PIEZO2: variants seen among roughly 807,000 people sequenced by gnomAD.
PIEZO2 encodes piezo-type mechanosensitive ion channel component 2.
Under a neutral mutation model 337.3 loss-of-function variants are expected in PIEZO2, and 172 were observed. The ratio of observed to expected loss-of-function variants is 0.51; its 90% CI spans 0.45 to 0.58. The LOEUF is 0.58. Ranked by LOEUF, PIEZO2 falls within the 20% of genes least tolerant of loss-of-function variation. PIEZO2 has a pLI of 0.00. For missense variants in PIEZO2, 3,028 were observed against 3,391.3 expected, an observed-to-expected ratio of 0.89 and a Z score of 2.66; for synonymous variants, 1,251 against 1,228.5, an observed-to-expected ratio of 1.02 and a Z score of -0.38.
Position 10,856,974 on chromosome 18 carries a change from C to T in PIEZO2, c.703+27G>A, listed in dbSNP as rs763259369. The T allele has an allele frequency of 4.5e-5, 69 of 1,531,460 alleles. No homozygotes were observed. Among genetic ancestry groups the T allele is most frequent in the South Asian group, 3.1e-4 (26 of 83,920 alleles). The allele number at this position is 1,531,460 out of a possible 1,614,324, so 94.9% of individuals were successfully genotyped here. On this transcript the variant is annotated intron_variant, in intron 6 of 55. Transcript: ENST00000674853. This position sits in a 1 kb window ranked among gnomAD's most constrained non-coding sequence, Gnocchi z 4.7. Reference sequence around the variant, plus strand: ...AAAGCACTGCTTGTGCCTTTTGCTACGTGCAGCCAGTGTGGGAGACACTCA... The same window carrying T: ...AAAGCACTGCTTGTGCCTTTTGCTATGTGCAGCCAGTGTGGGAGACACTCA...
At chr18:11,067,944 C>T (rs762169262) in intron 1 of PIEZO2, among the ~76,000 whole-genome samples, 44 of 152,158 alleles carry the variant, frequency 2.9e-4, no homozygotes, top group Non-Finnish European at 5.3e-4. Context: ...TGTTTTGAGA[C>T]GGAGTCTTGC....
In PIEZO2 at chr18:11,111,782, G is replaced by C. The variant is rs985317654; in HGVS notation, c.64+36743C>G. On this transcript the variant is annotated intron_variant, in intron 1 of 55. Coordinates refer to ENST00000674853, the MANE Select transcript of PIEZO2 (RefSeq NM_001378183.1). The surrounding 1 kb of genome is among the most constrained non-coding windows in gnomAD (Gnocchi z 6.2). ...CGAAAGCGTGCACAGTAGAAACCTG[G>C]CTCCTTCCAGGAGGCTCCTTGTAGG... is the stretch of plus-strand genomic sequence containing the variant. Among the ~76,000 whole-genome samples, 2 of 152,204 alleles carry C rather than the reference G, an allele frequency of 1.3e-5. No individual in the cohort carries two copies. Among genetic ancestry groups the C allele is most frequent in the African/African-American group, 4.8e-5 (2 of 41,444 alleles).
At chr18:10,756,394 G>A (rs918041440) in intron 27 of PIEZO2, among the ~76,000 whole-genome samples, 40 of 150,530 alleles carry the variant, frequency 2.7e-4, no homozygotes, top group African/African-American at 9.1e-4. Context: ...GATGAAAGAT[G>A]AGGAGGACGG....
At position 11,009,975 on chromosome 18, in the gene PIEZO2, G is replaced by A. The variant is rs942818924; in HGVS notation, c.161-30315C>T. On this transcript the variant is annotated intron_variant, in intron 2 of 55. Coordinates refer to ENST00000674853, the MANE Select transcript of PIEZO2 (RefSeq NM_001378183.1). The surrounding 1 kb of genome is among the most constrained non-coding windows in gnomAD (Gnocchi z 4.6). ...CCTCCAGAATGGTGAGATAATAAACGTCTGCTGTTGAAGCCACTCAGTTGA... is the reference window on the plus strand; with the variant it reads ...CCTCCAGAATGGTGAGATAATAAACATCTGCTGTTGAAGCCACTCAGTTGA... Among the ~76,000 whole-genome samples the A allele has an allele frequency of 3.3e-5, 5 of 152,138 alleles. No homozygotes were observed. Among genetic ancestry groups the A allele is most frequent in the East Asian group, 1.9e-4 (1 of 5,196 alleles).
At chr18:10,881,712 G>A (rs1598623500) in intron 4 of PIEZO2, among the ~76,000 whole-genome samples, 1 of 152,056 alleles carries the variant, frequency 6.6e-6, no homozygotes, top group African/African-American at 2.4e-5. Flanking sequence ...GCTATTGAAC[G>A]ACTACAACAA....
At chr18:10,809,518 T>G (rs1164059384) in intron 7 of PIEZO2, among the ~76,000 whole-genome samples, 1 of 151,762 alleles carries the variant, frequency 6.6e-6, no homozygotes, top group African/African-American at 2.4e-5. Context: ...TCCGCCCACC[T>G]TGGCCTCCCA....
In PIEZO2 at chr18:10,950,224, T is replaced by C. The variant is rs145955544; in HGVS notation, c.286+29311A>G. Among the ~76,000 whole-genome samples, 1,042 of 152,330 alleles carry C rather than the reference T, an allele frequency of 6.8e-3. 23 individuals carry two copies. Among genetic ancestry groups the C allele is most frequent in the African/African-American group, 0.024 (981 of 41,576 alleles). ...CACTTTTTTCATTTGCAAATTAGTA[T>C]GCTCTATGTAACGAGACGGGGGAAA... On this transcript the variant is annotated intron_variant, in intron 3 of 55. Coordinates refer to ENST00000674853, the MANE Select transcript of PIEZO2 (RefSeq NM_001378183.1).
chr18:11,035,848 C>T lies in PIEZO2; in HGVS notation c.160+30279G>A, dbSNP rs796583401. Among the ~76,000 whole-genome samples, 3 of 152,330 alleles carry T rather than the reference C, an allele frequency of 2.0e-5. No homozygotes were observed. Among genetic ancestry groups the T allele is most frequent in the African/African-American group, 7.2e-5 (3 of 41,566 alleles). ...CTCTTAAAGCCCATGGGTGTCTCCC[C>T]TAATGAACAGCAAATAATATCTGTA... On this transcript the variant is annotated intron_variant, in intron 2 of 55. Transcript: ENST00000674853. The surrounding 1 kb of genome is among the most constrained non-coding windows in gnomAD (Gnocchi z 4.3).
intron 39 of PIEZO2, chr18:10,709,058 A>T (rs1213023546): frequency 6.6e-6 from 1 of 152,240 alleles, no homozygotes; most frequent in African/African-American, 2.4e-5. Flanking sequence ...TGCAGTGGAT[A>T]TAAACCAACA....
chr18:11,126,732 A>G lies in PIEZO2; in HGVS notation c.64+21793T>C, dbSNP rs1483424160. On this transcript the variant is annotated intron_variant, in intron 1 of 55. Coordinates refer to ENST00000674853, the MANE Select transcript of PIEZO2 (RefSeq NM_001378183.1). The surrounding 1 kb of genome is among the most constrained non-coding windows in gnomAD (Gnocchi z 4.6). ...GATCAACATCACAATAATAATTTAC[A>G]TTTATTAGATGCTTACTATATGCCA... Among the ~76,000 whole-genome samples, 1 of 152,112 alleles carries G rather than the reference A, an allele frequency of 6.6e-6. No homozygotes were observed. The highest frequency in any genetic ancestry group is 1.5e-5 in the Non-Finnish European group (1 of 68,024).
chr18:10,744,072 T>C (rs2037328946), intron 31 of PIEZO2, 70 bp downstream of exon 31: 3 of 1,112,056 alleles, frequency 2.7e-6, no homozygotes, highest in African/African-American at 3.1e-5. Flanking sequence ...TCCCCAACAG[T>C]GGAGCACCAG....
intron 1 of PIEZO2, among the ~76,000 whole-genome samples, chr18:11,124,243 G>A (rs2040117010): frequency 6.6e-6 from 1 of 152,168 alleles, no homozygotes; most frequent in African/African-American, 2.4e-5. Flanking sequence ...TTGCATGGGA[G>A]ACTCAGCCAC....
chr18:11,142,636 C>T (rs1379380527), intron 1 of PIEZO2, among the ~76,000 whole-genome samples: 2 of 151,992 alleles, frequency 1.3e-5, no homozygotes, highest in Admixed American at 6.6e-5. Flanking sequence ...AAAAAATTAG[C>T]GGACTGGGGT....
rs1252051574 is a variant in PIEZO2, at chr18:11,021,571, G to A, written c.161-41911C>T. Among the ~76,000 whole-genome samples, 1 of 152,112 alleles carries A rather than the reference G, an allele frequency of 6.6e-6. No homozygotes were observed. Among genetic ancestry groups the A allele is most frequent in the Non-Finnish European group, 1.5e-5 (1 of 68,032 alleles). ...AGTCTCCTTGTGAATTCGTGAGGAG[G>A]AACACAGTCACCATCGTGAATGAAA... On this transcript the variant is annotated intron_variant, in intron 2 of 55. Coordinates refer to ENST00000674853, the MANE Select transcript of PIEZO2 (RefSeq NM_001378183.1). This position sits in a 1 kb window ranked among gnomAD's most constrained non-coding sequence, Gnocchi z 4.7.
chr18:10,680,343 T>C lies in PIEZO2; in HGVS notation c.7808A>G (p.Glu2603Gly), dbSNP rs1364871061. The C allele has an allele frequency of 6.2e-6, 10 of 1,613,970 alleles. No individual in the cohort carries two copies. In the South Asian group the frequency reaches 1.1e-4, roughly 18 times the overall value. Residue 2603 changes from glutamate to glycine, a missense_variant, in exon 52 of 56, where the codon GAA becomes GGA. This residue lies in a region of PIEZO2 where 332 missense variants were observed against 363.8 expected (regional missense o/e 0.91). Coordinates refer to ENST00000674853, the MANE Select transcript of PIEZO2 (RefSeq NM_001378183.1). ...TGAMQFLENY[E>G]KEDITVAELE... ...TTCTGCTACTGTTATGTCTTCTTTT[T>C]CATAATTTTCCAGAAATTGCATAGC...
chr18:11,123,632 C>T (rs961686302), intron 1 of PIEZO2, among the ~76,000 whole-genome samples: 1 of 152,032 alleles, frequency 6.6e-6, no homozygotes, highest in Non-Finnish European at 1.5e-5. Flanking sequence ...CACGATGAAA[C>T]CCCATCTCTA....
Position 11,099,081 on chromosome 18 carries a change from G to C in PIEZO2, c.65-32859C>G, listed in dbSNP as rs2039340834. On this transcript the variant is annotated intron_variant, in intron 1 of 55. Transcript: ENST00000674853. This position sits in a 1 kb window ranked among gnomAD's most constrained non-coding sequence, Gnocchi z 5.4. ...AGCCTCCCAAAGTGCTGGGATTACAGGCATCAGCCACTGCACCTGGCCTTT... is the reference window on the plus strand; with the variant it reads ...AGCCTCCCAAAGTGCTGGGATTACACGCATCAGCCACTGCACCTGGCCTTT... Among the ~76,000 whole-genome samples, 1 of 151,752 alleles carries C rather than the reference G, an allele frequency of 6.6e-6. No homozygotes were observed. Among genetic ancestry groups the C allele is most frequent in the African/African-American group, 2.4e-5 (1 of 41,300 alleles).
rs1683374 is a variant in PIEZO2, at chr18:10,846,279, C to T, written c.917+9074G>A. On this transcript the variant is annotated intron_variant, in intron 7 of 55. Coordinates refer to ENST00000674853, the MANE Select transcript of PIEZO2 (RefSeq NM_001378183.1). This position sits in a 1 kb window ranked among gnomAD's most constrained non-coding sequence, Gnocchi z 4.1. Reference sequence around the variant, plus strand: ...CAGGCAAAGAGAGAGCTCATGCAGGCAAACTCCCGTTTTTTAAAACCATCA... The same window carrying T: ...CAGGCAAAGAGAGAGCTCATGCAGGTAAACTCCCGTTTTTTAAAACCATCA... Among the ~76,000 whole-genome samples, 4 of 151,962 alleles carry T rather than the reference C, an allele frequency of 2.6e-5. No homozygotes were observed. The highest frequency in any genetic ancestry group is 5.9e-5 in the Non-Finnish European group (4 of 67,976).
intron 1 of PIEZO2, among the ~76,000 whole-genome samples, chr18:11,074,089 G>A (rs139700661): frequency 9.7e-4 from 147 of 152,080 alleles, no homozygotes; most frequent in Non-Finnish European, 1.6e-3. Flanking sequence ...CTCAAGATCC[G>A]CCCGCCTCAG....
Sources: gnomAD v4.1 joint callset for allele counts (sites outside exome capture counted in the v4.1 genomes callset) on GRCh38, gnomAD v4.1.1 for gene constraint, gnomAD v4.1.1 regional missense constraint, Gnocchi (gnomAD v3.1) non-coding constraint, MANE v1.5 for transcripts, NCBI Gene and HGNC (gene_info 2026-07-23, HGNC 2026-07-21) for gene names.